The following CLSTN1 variants were observed in gnomAD, a reference collection of about 807,000 sequenced individuals.
CLSTN1 encodes the protein calsyntenin-1.
CLSTN1 carries 28 observed loss-of-function variants against 108.3 expected under a neutral mutation model. The observed-to-expected ratio is 0.26, with a 90% CI of 0.19 to 0.35. The LOEUF is 0.35. Ranked by LOEUF, CLSTN1 falls within the 10% of genes least tolerant of loss-of-function variation. The pLI, the probability that CLSTN1 is intolerant of heterozygous loss-of-function variation, is 1.00. For synonymous variants in CLSTN1, 524 were observed against 534.9 expected, an observed-to-expected ratio of 0.98 and a Z score of 0.28; for missense variants, 1,157 against 1,302.6, an observed-to-expected ratio of 0.89 and a Z score of 1.72.
intron 1 of CLSTN1, among the ~76,000 whole-genome samples, chr1:9,779,229 C>T (rs1343447731): frequency 6.6e-6 from 1 of 152,110 alleles, no homozygotes; most frequent in East Asian, 1.9e-4. Context: ...TCAGGTTGAA[C>T]ACTTTATCTA....
intron 2 of CLSTN1, among the ~76,000 whole-genome samples, chr1:9,757,541 GA>G (rs1442273663): frequency 6.6e-6 from 1 of 151,964 alleles, no homozygotes; most frequent in Non-Finnish European, 1.5e-5. Context: ...GCACCCAGCC[GA>G]ACAAAAGGTT....
rs746579249 is a variant in CLSTN1, at chr1:9,796,519, C to CA, written c.92-23126dup. Among the ~76,000 whole-genome samples, 1,158 of 117,484 alleles carry CA rather than the reference C, an allele frequency of 9.9e-3. 13 individuals are homozygous for CA. Among genetic ancestry groups the CA allele is most frequent in the Middle Eastern group, 0.028 (6 of 216 alleles). The allele number at this position is 117,484 out of a possible 152,430, so 77.1% of individuals were successfully genotyped here. On this transcript the variant is annotated intron_variant, in intron 1 of 18. Transcript: ENST00000377298. ...TGAAACCCCGTCTCTACTAAACATA[C>CA]AAAAAAAAAAAAAAATTAGCCGGAC...
chr1:9,741,460 C>T (rs1361673642), intron 9 of CLSTN1, among the ~76,000 whole-genome samples: 3 of 152,230 alleles, frequency 2.0e-5, no homozygotes, highest in Non-Finnish European at 4.4e-5. Context: ...GGCTGCATTG[C>T]TCACTAACCA....
chr1:9,811,786 C>T (rs1433537563), intron 1 of CLSTN1, among the ~76,000 whole-genome samples: 1 of 149,642 alleles, frequency 6.7e-6, no homozygotes, highest in Non-Finnish European at 1.5e-5. Flanking sequence ...GATTTGTTAT[C>T]CTTTTTACTA....
At chr1:9,761,834 G>A (rs1652089936) in intron 2 of CLSTN1, among the ~76,000 whole-genome samples, 1 of 152,148 alleles carries the variant, frequency 6.6e-6, no homozygotes. Context: ...CTGATTGTAA[G>A]CAACAGAAAT....
In CLSTN1 at chr1:9,734,123, G is replaced by C. The variant is rs149931322; in HGVS notation, c.2130C>G (p.Ser710=). The C allele has an allele frequency of 7.2e-5, 117 of 1,613,890 alleles. No individual in the cohort carries two copies. Among genetic ancestry groups the C allele is most frequent in the Non-Finnish European group, 9.7e-5 (115 of 1,179,980 alleles). Residue 710 remains serine, a synonymous_variant, in exon 15 of 19, where the codon TCC becomes TCG. Coordinates refer to ENST00000377298, the MANE Select transcript of CLSTN1 (RefSeq NM_001009566.3). This position sits in a 1 kb window ranked among gnomAD's most constrained non-coding sequence, Gnocchi z 4.8. ...TATCCAGGTCGTGCACGATCTCCTC[G>C]GACACCAGTGATTCTTGAACTGCAA... ...EDPTVQESLV[S]EEIVHDLDTC...
chr1:9,745,385 G>C (rs927081633), intron 7 of CLSTN1, among the ~76,000 whole-genome samples: 3 of 152,138 alleles, frequency 2.0e-5, no homozygotes, highest in Non-Finnish European at 4.4e-5. Context: ...GGCAGGGCTT[G>C]GTGGCTCACA....
At chr1:9,781,207 A>G in intron 1 of CLSTN1, 1 of 780,018 alleles carries the variant, frequency 1.3e-6, no homozygotes, top group South Asian at 1.5e-5. Context: ...AGGCTACTGA[A>G]GCACTAAAGG....
rs1655288345 is a variant in CLSTN1 at position 9,823,802 on chromosome 1, G to C, written c.-69C>G. The C allele has an allele frequency of 1.2e-6, 1 of 814,522 alleles. No homozygotes were observed. The highest frequency in any genetic ancestry group is 1.9e-5 in the African/African-American group (1 of 53,746). 50.5% of individuals were successfully genotyped at this position (814,522 alleles called of 1,614,324 possible). ...GAGCGGAGCTCTCGGAGCTCTCGGG[G>C]CTCTAGGGGCCTGGGGCTAGCTGCT... On this transcript the variant is annotated 5_prime_UTR_variant, in exon 1 of 19. Coordinates refer to ENST00000377298, the MANE Select transcript of CLSTN1 (RefSeq NM_001009566.3). The surrounding 1 kb of genome is among the most constrained non-coding windows in gnomAD (Gnocchi z 6.3).
intron 1 of CLSTN1, among the ~76,000 whole-genome samples, chr1:9,787,065 G>C (rs966427157): frequency 2.6e-5 from 4 of 151,364 alleles, no homozygotes; most frequent in Admixed American, 6.7e-5. Context: ...AAGAGAAGGG[G>C]AAGGGGCTGG....
At chr1:9,802,823 ATTTT>A (rs34247091) in intron 1 of CLSTN1, among the ~76,000 whole-genome samples, 1 of 130,544 alleles carries the variant, frequency 7.7e-6, no homozygotes, top group East Asian at 2.2e-4. Context: ...ATTTTCTTAG[ATTTT>A]TTTTTTTTTT....
chr1:9,812,147 A>C (rs961149711), intron 1 of CLSTN1, among the ~76,000 whole-genome samples: 1 of 152,180 alleles, frequency 6.6e-6, no homozygotes, highest in African/African-American at 2.4e-5. Context: ...AAAAAAACAA[A>C]AAAGAGTAAA....
At chr1:9,810,505 T>C (rs1482196951) in intron 1 of CLSTN1, among the ~76,000 whole-genome samples, 1 of 149,902 alleles carries the variant, frequency 6.7e-6, no homozygotes, top group African/African-American at 2.5e-5. Context: ...CTGGGGACAC[T>C]AGCTCACGCC....
Position 9,734,349 on chromosome 1 carries a change from T to G in CLSTN1, c.2111-207A>C, listed in dbSNP as rs1428270404. ...CAGCACTTTGGGAGGCCAAGACGGGTGGATCACCTGAGGTCAGGAGTTTGA... is the reference window on the plus strand; with the variant it reads ...CAGCACTTTGGGAGGCCAAGACGGGGGGATCACCTGAGGTCAGGAGTTTGA... On this transcript the variant is annotated intron_variant, in intron 14 of 18. Transcript: ENST00000377298. This position sits in a 1 kb window ranked among gnomAD's most constrained non-coding sequence, Gnocchi z 4.8. 6.6e-6 allele frequency among the ~76,000 whole-genome samples: 1 copy of G among 151,670 alleles called. No homozygotes were observed. Among genetic ancestry groups the G allele is most frequent in the Admixed American group, 6.6e-5 (1 of 15,216 alleles).
intron 1 of CLSTN1, among the ~76,000 whole-genome samples, chr1:9,797,002 G>C (rs1440029737): frequency 6.6e-6 from 1 of 152,168 alleles, no homozygotes; most frequent in Non-Finnish European, 1.5e-5. Flanking sequence ...GCTTGAAGAT[G>C]AGAAGCATGG....
chr1:9,742,229 T>C (rs1435705289), intron 9 of CLSTN1, among the ~76,000 whole-genome samples: 1 of 152,218 alleles, frequency 6.6e-6, no homozygotes, highest in South Asian at 2.1e-4. Flanking sequence ...TTTTTTTTAA[T>C]GTGAAAGAGT....
chr1:9,765,576 A>T (rs1328431840), intron 2 of CLSTN1, among the ~76,000 whole-genome samples: 3 of 150,970 alleles, frequency 2.0e-5, no homozygotes, highest in African/African-American at 7.4e-5. Flanking sequence ...ACTCCATCTC[A>T]AAAAAAGAAA....
rs1653399658 is a variant in CLSTN1 at position 9,784,650 on chromosome 1, T to G, written c.92-11256A>C. 2.0e-5 allele frequency among the ~76,000 whole-genome samples: 3 copies of G among 152,366 alleles called. No individual in the cohort carries two copies. In the South Asian group the frequency reaches 6.2e-4, roughly 32 times the overall value. ...CGTCTCACCTATAAATCCTAGATGA[T>G]GTTACAGGTTTCATTTGCAGATTCA... On this transcript the variant is annotated intron_variant, in intron 1 of 18. Transcript: ENST00000377298.
chr1:9,789,645 T>C (rs1193957385), intron 1 of CLSTN1, among the ~76,000 whole-genome samples: 2 of 151,472 alleles, frequency 1.3e-5, no homozygotes, highest in African/African-American at 4.8e-5. Context: ...ACAACTCTTT[T>C]TAAAACTAAC....
Sources: gnomAD v4.1 joint callset for allele counts (sites outside exome capture counted in the v4.1 genomes callset) on GRCh38, gnomAD v4.1.1 for gene constraint, Gnocchi (gnomAD v3.1) non-coding constraint, MANE v1.5 for transcripts, NCBI Gene and HGNC (gene_info 2026-07-23, HGNC 2026-07-21) for gene names.